The following GPX7 variants were observed in gnomAD, a reference collection of about 807,000 sequenced individuals.
GPX7 encodes protein peroxidase GPX7.
In GPX7, 21 loss-of-function variants were observed where a neutral mutation model predicts 23.7. The observed-to-expected ratio is 0.89, with a 90% confidence interval of 0.63 to 1.28. The LOEUF (loss-of-function observed/expected upper bound fraction) is 1.28. GPX7 is among the 50% of genes most tolerant of loss of function. The pLI is 0.00. For missense variants in GPX7, 238 were observed against 237.3 expected (o/e 1.00, Z -0.02); for synonymous variants, 112 against 101.8 (o/e 1.10, Z -0.61).
Position 52,608,524 on chromosome 1 carries a change from C to G in GPX7, c.*99C>G. ...CTTCAAAGGGAGAGACCCACTGACT[C>G]TCCTTCCTTTACTCTTATGCCATTG... is the stretch of plus-strand genomic sequence containing the variant. On this transcript the variant is annotated 3_prime_UTR_variant, in exon 3 of 3. Coordinates refer to ENST00000361314, the MANE Select transcript of GPX7 (RefSeq NM_015696.5). 1 of 1,038,302 alleles carries G rather than the reference C, an allele frequency of 9.6e-7. No individual in the cohort carries two copies. The highest frequency in any genetic ancestry group is 2.9e-4 in the Middle Eastern group (1 of 3,410). 64.3% of individuals were successfully genotyped at this position (1,038,302 alleles called of 1,614,324 possible). A position where few individuals can be genotyped will look rare whatever the true frequency, so the allele number is the denominator to read the frequency against.
rs1218512173 is a variant in GPX7 at position 52,608,243 on chromosome 1, C to G, written c.401-19C>G. 6.9e-6 allele frequency: 11 copies of G among 1,600,528 alleles called. No individual in the cohort carries two copies. The highest frequency in any genetic ancestry group is 1.8e-5 in the Admixed American group (1 of 57,062). On this transcript the variant is annotated intron_variant, in intron 2 of 2. Coordinates refer to ENST00000361314, the MANE Select transcript of GPX7 (RefSeq NM_015696.5). ...GGTACGCAGGGTAGCACGCTTTGCT[C>G]TCCTTCCTTTTTCTCTAGAGACTTC...
intron 2 of GPX7, chr1:52,607,163 C>T (rs1250538166): frequency 1.5e-5 from 9 of 582,854 alleles, no homozygotes; most frequent in South Asian, 1.1e-4. Context: ...ATCTCCATAC[C>T]TGCTGCCTCT....
At chr1:52,606,408 G>A in intron 1 of GPX7, among the ~76,000 whole-genome samples, 1 of 152,152 alleles carries the variant, frequency 6.6e-6, no homozygotes, top group East Asian at 1.9e-4. Context: ...ATTTATGTAT[G>A]TTGTATACTT....
At chr1:52,604,345 ATG>A (rs1241300334) in intron 1 of GPX7, among the ~76,000 whole-genome samples, 1 of 152,208 alleles carries the variant, frequency 6.6e-6, no homozygotes, top group Non-Finnish European at 1.5e-5. Flanking sequence ...CTTGGGCAAT[ATG>A]CTCATTCCTT....
At position 52,608,355 on chromosome 1, in the gene GPX7, TGGA is replaced by T; in HGVS notation, c.500_502del (p.Glu167del). ...GGGGCTTGGGACCCAACTGTGTCAG[TGGA>T]GGAGGTCAGACCCCAGATCACAGCG... is the stretch of plus-strand genomic sequence containing the variant. On this transcript the variant is annotated inframe_deletion, in exon 3 of 3. Coordinates refer to ENST00000361314, the MANE Select transcript of GPX7 (RefSeq NM_015696.5). 1 of 1,614,096 alleles carries T rather than the reference TGGA, an allele frequency of 6.2e-7. No homozygotes were observed. Among genetic ancestry groups the T allele is most frequent in the Non-Finnish European group, 8.5e-7 (1 of 1,179,996 alleles).
intron 1 of GPX7, among the ~76,000 whole-genome samples, chr1:52,603,791 G>T (rs35455603): frequency 6.6e-6 from 1 of 152,080 alleles, no homozygotes; most frequent in African/African-American, 2.4e-5. Flanking sequence ...AGATGAAGGC[G>T]TGGATGCACT....
At position 52,602,473 on chromosome 1, in the gene GPX7, G is replaced by A. The variant is rs1157309328; in HGVS notation, c.64G>A (p.Glu22Lys). The A allele has an allele frequency of 1.3e-6, 2 of 1,551,886 alleles. No individual in the cohort carries two copies. The highest frequency in any genetic ancestry group is 1.7e-6 in the Non-Finnish European group (2 of 1,154,000). Residue 22 changes from glutamate to lysine, a missense_variant, in exon 1 of 3, where the codon GAG becomes AAG. Transcript: ENST00000361314. ...LLWAAACAQQ[E>K]QDFYDFKAVN... is the part of the protein sequence containing the mutation. The stretch of plus-strand genomic sequence containing the variant: ...GTGGGCTGCGGCCTGCGCGCAGCAG[G>A]AGCAGGACTTCTACGACTTCAAGGC...
chr1:52,606,771 C>T lies in GPX7; in HGVS notation c.226C>T (p.Pro76Ser), dbSNP rs553364931. 159 of 1,614,184 alleles carry T rather than the reference C, an allele frequency of 9.9e-5. 3 individuals carry two copies. In the South Asian group the frequency reaches 1.7e-3, roughly 17 times the overall value. Residue 76 changes from proline to serine, a missense_variant, in exon 2 of 3, where the codon CCC becomes TCC. Coordinates refer to ENST00000361314, the MANE Select transcript of GPX7 (RefSeq NM_015696.5). ...GCAGCAGCTGCAGCGAGACCTGGGC[C>T]CCCACCACTTTAACGTGCTCGCCTT... ...ALQQLQRDLG[P>S]HHFNVLAFPC...
chr1:52,606,795 T>C lies in GPX7; in HGVS notation c.250T>C (p.Phe84Leu), dbSNP rs781048796. 6.2e-7 allele frequency: 1 copy of C among 1,614,198 alleles called. No individual in the cohort carries two copies. Among genetic ancestry groups the C allele is most frequent in the Non-Finnish European group, 8.5e-7 (1 of 1,180,014 alleles). ...CCCCCACCACTTTAACGTGCTCGCC[T>C]TCCCCTGCAACCAGTTTGGCCAACA... The part of the protein sequence containing the change: ...LGPHHFNVLA[F>L]PCNQFGQQEP... Residue 84 changes from phenylalanine to leucine, a missense_variant, in exon 2 of 3, where the codon TTC becomes CTC. By Grantham distance (22) the Phe-to-Leu change is conservative. Transcript: ENST00000361314.
In GPX7 at chr1:52,602,509, C is replaced by CG; in HGVS notation, c.104dup (p.Lys36GlnfsTer45). The CG allele has an allele frequency of 3.2e-6, 5 of 1,565,104 alleles. No homozygotes were observed. The highest frequency in any genetic ancestry group is 4.3e-6 in the Non-Finnish European group (5 of 1,159,870). ...CTACGACTTCAAGGCGGTCAACATCCGGGGCAAACTGGTGTCGCTGGAGAA... is the reference window on the plus strand; with the variant it reads ...CTACGACTTCAAGGCGGTCAACATCCGGGGGCAAACTGGTGTCGCTGGAGAA... On this transcript the variant is annotated frameshift_variant, in exon 1 of 3. Transcript: ENST00000361314. LOFTEE classifies it high-confidence loss of function.
At chr1:52,604,970 G>A (rs1235350990) in intron 1 of GPX7, among the ~76,000 whole-genome samples, 13 of 150,750 alleles carry the variant, frequency 8.6e-5, no homozygotes, top group African/African-American at 2.2e-4. Flanking sequence ...GCTTGAACCC[G>A]GGAGGTGGAG....
chr1:52,608,414 G>A lies in GPX7; in HGVS notation c.553G>A (p.Glu185Lys). The change falls in exon 3 of 3, where the codon GAA (glutamate) becomes AAA (lysine). Residue 185 changes from glutamate to lysine, a missense_variant. Glu to Lys is a moderately conservative substitution (Grantham distance 56). Coordinates refer to ENST00000361314, the MANE Select transcript of GPX7 (RefSeq NM_015696.5). ...GAGGAAGCTCATCCTACTGAAGCGAGAAGACTTATAACCACCGCGTCTCCT... is the reference window on the plus strand; with the variant it reads ...GAGGAAGCTCATCCTACTGAAGCGAAAAGACTTATAACCACCGCGTCTCCT... ...LVRKLILLKR[E>K]DL The A allele has an allele frequency of 1.2e-6, 2 of 1,611,642 alleles. No homozygotes were observed. Among genetic ancestry groups the A allele is most frequent in the Admixed American group, 1.7e-5 (1 of 59,452 alleles).
At position 52,602,462 on chromosome 1, in the gene GPX7, G is replaced by T. The variant is rs1440810459; in HGVS notation, c.53G>T (p.Cys18Phe). Residue 18 changes from cysteine (C) to phenylalanine (F), a missense_variant, in exon 1 of 3, where the codon TGC (cysteine) becomes TTC (phenylalanine). Cys to Phe is a radical substitution (Grantham distance 205). Transcript: ENST00000361314. Reference protein sequence around the residue: ...AAWLLLWAAACAQQEQDFYDF... With the variant: ...AAWLLLWAAAFAQQEQDFYDF... ...TGGCTGCTCCTGTGGGCTGCGGCCT[G>T]CGCGCAGCAGGAGCAGGACTTCTAC... The T allele has an allele frequency of 6.5e-7, 1 of 1,543,288 alleles. No individual in the cohort carries two copies. The highest frequency in any genetic ancestry group is 8.7e-7 in the Non-Finnish European group (1 of 1,149,806).
chr1:52,602,962 G>T (rs1052906933), intron 1 of GPX7, among the ~76,000 whole-genome samples: 1 of 152,236 alleles, frequency 6.6e-6, no homozygotes, highest in African/African-American at 2.4e-5. Context: ...TCTGGAACGG[G>T]GAGTGGCTGA....
At chr1:52,605,138 G>A (rs912237190) in intron 1 of GPX7, among the ~76,000 whole-genome samples, 15 of 151,954 alleles carry the variant, frequency 9.9e-5, no homozygotes, top group Admixed American at 2.0e-4. Flanking sequence ...CTGAGGAAGG[G>A]AGTTAACAGT....
chr1:52,605,364 T>C (rs908649023), intron 1 of GPX7, among the ~76,000 whole-genome samples: 3 of 152,106 alleles, frequency 2.0e-5, no homozygotes, highest in Non-Finnish European at 2.9e-5. Context: ...TCTGGAGACA[T>C]TGTTGATTGT....
Position 52,606,745 on chromosome 1 carries a change from T to G in GPX7, c.200T>G (p.Leu67Arg), listed in dbSNP as rs776493240. The G allele has an allele frequency of 6.2e-7, 1 of 1,614,180 alleles. No individual in the cohort carries two copies. Among genetic ancestry groups the G allele is most frequent in the Non-Finnish European group, 8.5e-7 (1 of 1,180,032 alleles). Reference sequence around the variant, plus strand: ...TTCACAGACCAGCACTACCGAGCCCTGCAGCAGCTGCAGCGAGACCTGGGC... The same window carrying G: ...TTCACAGACCAGCACTACCGAGCCCGGCAGCAGCTGCAGCGAGACCTGGGC... ...CGFTDQHYRA[L>R]QQLQRDLGPH... Residue 67 changes from leucine to arginine, a missense_variant, in exon 2 of 3, where the codon CTG becomes CGG. Physicochemically the swap from Leu to Arg is moderately radical, Grantham distance 102 (BLOSUM62 -2). Coordinates refer to ENST00000361314, the MANE Select transcript of GPX7 (RefSeq NM_015696.5).
In GPX7 at chr1:52,602,409, C is replaced by A; in HGVS notation, c.-1C>A. On this transcript the variant is annotated 5_prime_UTR_variant, in exon 1 of 3. Transcript: ENST00000361314. ...CGACGCCGCCACCTCCGGAACAAGC[C>A]ATGGTGGCGGCGACGGTGGCAGCGG... 6.7e-7 allele frequency: 1 copy of A among 1,502,874 alleles called. No homozygotes were observed. Among genetic ancestry groups the A allele is most frequent in the East Asian group, 3.0e-5 (1 of 33,740 alleles). The allele number at this position is 1,502,874 out of a possible 1,614,324, so 93.1% of individuals were successfully genotyped here.
intron 2 of GPX7, 35 bp from the exon 3 acceptor site, chr1:52,608,227 G>A: frequency 1.3e-6 from 2 of 1,583,054 alleles, no homozygotes; most frequent in Non-Finnish European, 1.7e-6. Context: ...GGGTACGCAG[G>A]GTAGCACGCT....
Sources: allele counts gnomAD v4.1 joint callset (sites outside exome capture counted in the v4.1 genomes callset), GRCh38; gene constraint gnomAD v4.1.1; transcripts MANE v1.5; gene names NCBI Gene and HGNC (gene_info 2026-07-23, HGNC 2026-07-21).